The following NOL10 variants were observed in gnomAD, a reference collection of about 807,000 sequenced individuals.
NOL10 encodes the protein nucleolar protein 10.
NOL10 carries 58 observed loss-of-function variants against 103.5 expected under a neutral mutation model. That is an observed-to-expected ratio of 0.56 (90% confidence interval 0.45 to 0.70). The LOEUF (loss-of-function observed/expected upper bound fraction) is 0.70. Among genes scored for constraint, NOL10 ranks in the 30% least tolerant of loss-of-function variants. The pLI, the probability that NOL10 is intolerant of heterozygous loss-of-function variation, is 0.00. For synonymous variants in NOL10, 287 were observed against 282.5 expected, an observed-to-expected ratio of 1.02 and a Z score of -0.16; for missense variants, 763 against 807.3, an observed-to-expected ratio of 0.95 and a Z score of 0.67.
rs377259861 is a variant in NOL10 at position 10,607,234 on chromosome 2, T to C, written c.1104A>G (p.Thr368=). 4.4e-6 allele frequency: 7 copies of C among 1,608,556 alleles called. No individual in the cohort carries two copies. The highest frequency in any genetic ancestry group is 2.7e-5 in the African/African-American group (2 of 74,810). The part of the protein sequence containing the change: ...TEELEENPES[T]VYDDYKFVTK... Reference sequence around the variant, plus strand: ...TGACAAATTTATAATCATCATAGACTGTGCTTTCTGGATTCTCTTCTAATT... The same window carrying C: ...TGACAAATTTATAATCATCATAGACCGTGCTTTCTGGATTCTCTTCTAATT... Residue 368 remains threonine (T), a synonymous_variant, in exon 14 of 21, where the codon ACA becomes ACG. Coordinates refer to ENST00000381685, the MANE Select transcript of NOL10 (RefSeq NM_024894.4).
intron 12 of NOL10, among the ~76,000 whole-genome samples, chr2:10,649,351 T>A (rs1572373653): frequency 7.2e-6 from 1 of 139,268 alleles, no homozygotes; most frequent in Non-Finnish European, 1.5e-5. Flanking sequence ...GACAGAGTCT[T>A]GCTCTGTCGC....
At chr2:10,681,844 T>G in intron 3 of NOL10, 127 bp downstream of exon 3, 1 of 406,348 alleles carries the variant, frequency 2.5e-6, no homozygotes, top group East Asian at 3.8e-5. Context: ...TATACAATTT[T>G]TTCAATATTT....
intron 10 of NOL10, 125 bp from the exon 11 acceptor site, chr2:10,658,016 C>T: frequency 1.7e-6 from 1 of 586,992 alleles, no homozygotes; most frequent in South Asian, 3.5e-5. Flanking sequence ...AACACCCTTA[C>T]TCAAGGTGCT....
In NOL10 at chr2:10,687,358, C is replaced by A. The variant is rs1406751198; in HGVS notation, c.66+2438G>T. On this transcript the variant is annotated intron_variant, in intron 1 of 20. Coordinates refer to ENST00000381685, the MANE Select transcript of NOL10 (RefSeq NM_024894.4). ...CAGTAGCAGCTGACACAGGTGACCA[C>A]CACCTCCTCCTTGAAACACTTACTT... Among the ~76,000 whole-genome samples, 5 of 152,150 alleles carry A rather than the reference C, an allele frequency of 3.3e-5. No homozygotes were observed. The East Asian group carries it at 9.6e-4, about 29-fold the overall frequency.
At position 10,671,673 on chromosome 2, in the gene NOL10, A is replaced by G; in HGVS notation, c.345T>C (p.Asn115=). 3 of 1,567,752 alleles carry G rather than the reference A, an allele frequency of 1.9e-6. No homozygotes were observed. Among genetic ancestry groups the G allele is most frequent in the Non-Finnish European group, 2.6e-6 (3 of 1,154,220 alleles). ...DDYSKIVFLH[N]DRYIEFHSQS... is the part of the protein sequence containing the mutation. ...GCGAATGAAATTCAATGTATCTATC[A>G]TTATGTAAGAAGACAATCTGAAAAT... The change falls in exon 6 of 21, where the codon AAT becomes AAC. Residue 115 remains asparagine (N), a synonymous_variant. Transcript: ENST00000381685.
intron 4 of NOL10, among the ~76,000 whole-genome samples, chr2:10,675,281 G>A (rs1448011307): frequency 1.3e-5 from 2 of 152,082 alleles, no homozygotes; most frequent in Non-Finnish European, 2.9e-5. Context: ...CTTGAAGGTG[G>A]AGGTGAGTGT....
chr2:10,616,549 AT>A (rs78809883), intron 13 of NOL10, among the ~76,000 whole-genome samples: 88,817 of 147,822 alleles, frequency 0.6, 27,247 homozygotes, highest in African/African-American at 0.75. Context: ...CTCATTCTTC[AT>A]TTTTTTTTGT....
At chr2:10,607,425 GA>G (rs1676317452) in intron 13 of NOL10, 114 bp from the exon 14 acceptor site, 5 of 1,178,226 alleles carry the variant, frequency 4.2e-6, no homozygotes, top group East Asian at 5.2e-5. Flanking sequence ...TTTTCTATCA[GA>G]AGTATTGACA....
At chr2:10,657,930 T>A in intron 10 of NOL10, 39 bp from the exon 11 acceptor site, 1 of 1,425,154 alleles carries the variant, frequency 7.0e-7, no homozygotes, top group Non-Finnish European at 9.5e-7. Flanking sequence ...AACTAGACAT[T>A]TTATCTTCAA....
chr2:10,654,372 TG>T, intron 12 of NOL10, 108 bp downstream of exon 12: 1 of 731,778 alleles, frequency 1.4e-6, no homozygotes, highest in South Asian at 1.9e-5. Context: ...AGAAATAAAA[TG>T]GGTTTAAAAC....
chr2:10,591,187 CAAGA>C (rs1675370706), intron 17 of NOL10, among the ~76,000 whole-genome samples: 2 of 152,200 alleles, frequency 1.3e-5, no homozygotes, highest in Admixed American at 1.3e-4. Flanking sequence ...ACATCATTTC[CAAGA>C]AAGACTTACA....
chr2:10,689,760 A>G (rs1449487559), intron 1 of NOL10, 36 bp downstream of exon 1: 1 of 1,572,654 alleles, frequency 6.4e-7, no homozygotes, highest in Non-Finnish European at 8.6e-7. Flanking sequence ...ACGACCCCCA[A>G]GAGCTCGAGA....
At chr2:10,575,332 T>A (rs12474784) in intron 20 of NOL10, among the ~76,000 whole-genome samples, 9,448 of 152,310 alleles carry the variant, frequency 0.062, 698 homozygotes, top group East Asian at 0.39. Flanking sequence ...AACTCAAGAT[T>A]CTACCTGAGC....
At chr2:10,664,172 T>C (rs190353341) in intron 8 of NOL10, among the ~76,000 whole-genome samples, 46 of 151,626 alleles carry the variant, frequency 3.0e-4, no homozygotes, top group Admixed American at 1.4e-3. Flanking sequence ...GGCTTATGCC[T>C]GTAATCCCAG....
At chr2:10,689,702 A>T in intron 1 of NOL10, 94 bp downstream of exon 1, 1 of 1,283,972 alleles carries the variant, frequency 7.8e-7, no homozygotes, top group Non-Finnish European at 1.1e-6. Flanking sequence ...GCGTCCAGCT[A>T]AAACAGAGGC....
At chr2:10,576,939 C>T (rs1674481014) in intron 20 of NOL10, among the ~76,000 whole-genome samples, 1 of 152,034 alleles carries the variant, frequency 6.6e-6, no homozygotes, top group African/African-American at 2.4e-5. Context: ...AAATCTTTGT[C>T]ATTCTGTTCT....
intron 17 of NOL10, among the ~76,000 whole-genome samples, chr2:10,599,299 C>T (rs1482430738): frequency 6.6e-6 from 1 of 152,240 alleles, no homozygotes; most frequent in African/African-American, 2.4e-5. Context: ...AGCCTTAGGG[C>T]ATGGCATGTA....
At chr2:10,642,483 C>G (rs556372336) in intron 13 of NOL10, among the ~76,000 whole-genome samples, 1 of 152,112 alleles carries the variant, frequency 6.6e-6, no homozygotes. Flanking sequence ...CCTATCCCCC[C>G]GCTTACAACT....
chr2:10,618,034 G>GTT (rs36205939), intron 13 of NOL10, among the ~76,000 whole-genome samples: 1 of 145,876 alleles, frequency 6.9e-6, no homozygotes, highest in Non-Finnish European at 1.5e-5. Flanking sequence ...TACACTTCAT[G>GTT]TTTTTTTTTT....
Sources: gnomAD v4.1 joint callset for allele counts (sites outside exome capture counted in the v4.1 genomes callset) on GRCh38, gnomAD v4.1.1 for gene constraint, MANE v1.5 for transcripts, NCBI Gene and HGNC (gene_info 2026-07-23, HGNC 2026-07-21) for gene names.